ZNF226: variants seen among roughly 807,000 people sequenced by gnomAD.
The protein encoded by ZNF226 is Kruppel-associated box protein.
Under a neutral mutation model 11.4 loss-of-function variants are expected in ZNF226, and 6 were observed. That is an observed-to-expected ratio of 0.53 (90% CI 0.29 to 1.04). The LOEUF (loss-of-function observed/expected upper bound fraction) is 1.04. ZNF226 is among the 50% of genes least tolerant of loss of function. ZNF226 has a pLI of 0.08. For synonymous variants in ZNF226, 350 were observed against 322.8 expected, an observed-to-expected ratio of 1.08 and a Z score of -0.90; for missense variants, 1,058 against 956.5, an observed-to-expected ratio of 1.11 and a Z score of -1.40.
At chr19:44,183,490 A>G in the ZNF226 span, among the ~76,000 whole-genome samples, 3 of 152,236 alleles carry the variant, frequency 2.0e-5, no homozygotes, top group African/African-American at 7.2e-5. Flanking sequence ...GATAACCTGA[A>G]AGCAAAACCA....
chr19:44,172,822 T>C, intron 4 of ZNF226, 38 bp from the exon 5 acceptor site: 1 of 1,523,866 alleles, frequency 6.6e-7, no homozygotes, highest in South Asian at 1.2e-5. Flanking sequence ...TTAACTCTAA[T>C]ATGTTCATTT....
the ZNF226 span, among the ~76,000 whole-genome samples, chr19:44,195,643 G>T: frequency 9.2e-5 from 14 of 152,190 alleles, no homozygotes; most frequent in Admixed American, 5.2e-4. Flanking sequence ...CCAGTTGCTG[G>T]GCAGCTGTCT....
chr19:44,170,560 C>T (rs1006311866), intron 3 of ZNF226, among the ~76,000 whole-genome samples: 2 of 152,072 alleles, frequency 1.3e-5, no homozygotes, highest in African/African-American at 2.4e-5. Flanking sequence ...CATGGAAACC[C>T]CATCTCTACT....
downstream of ZNF226, among the ~76,000 whole-genome samples, chr19:44,181,862 A>G (rs896446901): frequency 2.6e-5 from 4 of 152,190 alleles, no homozygotes; most frequent in Admixed American, 1.3e-4. Flanking sequence ...TTCTAGACCA[A>G]TAATGAAACT....
At chr19:44,182,646 T>C (rs1021710674), downstream of ZNF226, among the ~76,000 whole-genome samples, 1 of 152,068 alleles carries the variant, frequency 6.6e-6, no homozygotes, top group African/African-American at 2.4e-5. Context: ...GTAACTCTTC[T>C]CGGCAGACCA....
rs1264665124 is a variant in ZNF226, at chr19:44,176,319, C to T, written c.1057C>T (p.His353Tyr). The T allele has an allele frequency of 6.2e-7, 1 of 1,614,082 alleles. No individual in the cohort carries two copies. The highest frequency in any genetic ancestry group is 1.7e-5 in the Admixed American group (1 of 60,008). Residue 353 changes from histidine (H) to tyrosine (Y), a missense_variant, in exon 6 of 6, where the codon CAT (histidine) becomes TAT (tyrosine). Physicochemically the swap from His to Tyr is moderately conservative, Grantham distance 83. Coordinates refer to ENST00000337433, the MANE Select transcript of ZNF226 (RefSeq NM_001032373.2). Reference sequence around the variant, plus strand: ...CAGTCGTAGATCAGCACTTAATGTTCATTGCAAGGTCCACACGGCAGAGAA... The same window carrying T: ...CAGTCGTAGATCAGCACTTAATGTTTATTGCAAGGTCCACACGGCAGAGAA... Reference protein sequence around the residue: ...GFSRRSALNVHCKVHTAEKPY... With the variant: ...GFSRRSALNVYCKVHTAEKPY...
chr19:44,190,782 C>G, the ZNF226 span, among the ~76,000 whole-genome samples: 1 of 152,074 alleles, frequency 6.6e-6, no homozygotes, highest in Non-Finnish European at 1.5e-5. Flanking sequence ...TATCATGTTA[C>G]AAGGAGGTAC....
chr19:44,165,680 C>T lies in ZNF226; in HGVS notation c.-97-77C>T, dbSNP rs147671901. On this transcript the variant is annotated intron_variant, in intron 1 of 5. Coordinates refer to ENST00000337433, the MANE Select transcript of ZNF226 (RefSeq NM_001032373.2). ...AAGGAGAGGGTTGCTTCTAACTGGT[C>T]CTGGGAGATGCCACTGTGATGTATC... 19 of 152,258 alleles carry T rather than the reference C, an allele frequency of 1.2e-4. 1 individual carries two copies. Among genetic ancestry groups the T allele is most frequent in the Admixed American group, 4.6e-4 (7 of 15,286 alleles). The allele number at this position is 152,258 out of a possible 1,614,324, so 9.4% of individuals were successfully genotyped here. A position where few individuals can be genotyped will look rare whatever the true frequency, so the allele number is the denominator to read the frequency against.
rs757894676 is a variant in ZNF226 at position 44,172,186 on chromosome 19, G to A, written c.114G>A (p.Val38=). 6.2e-7 allele frequency: 1 copy of A among 1,612,370 alleles called. No individual in the cohort carries two copies. The highest frequency in any genetic ancestry group is 8.5e-7 in the Non-Finnish European group (1 of 1,179,000). The part of the protein sequence containing the change: ...AQRKLYRDVM[V]ENFRNLLSVG... ...GGAAGCTGTACCGAGATGTGATGGT[G>A]GAGAACTTTAGGAACCTGCTGTCAG... The change falls in exon 4 of 6, where the codon GTG becomes GTA. Residue 38 remains valine, a synonymous_variant. Coordinates refer to ENST00000337433, the MANE Select transcript of ZNF226 (RefSeq NM_001032373.2).
chr19:44,194,130 T>G, the ZNF226 span, among the ~76,000 whole-genome samples: 1 of 152,262 alleles, frequency 6.6e-6, no homozygotes, highest in Non-Finnish European at 1.5e-5. Flanking sequence ...TGTAGAAATT[T>G]TCTTGAGACT....
intron 3 of ZNF226, among the ~76,000 whole-genome samples, chr19:44,171,029 C>A (rs986390451): frequency 2.6e-5 from 4 of 151,670 alleles, no homozygotes; most frequent in African/African-American, 9.7e-5. Context: ...ACATTTCTTA[C>A]ATTTATAACA....
chr19:44,175,661 G>A lies in ZNF226; in HGVS notation c.399G>A (p.Gln133=). ...QCHKQGDFPY[Q]VGTELSIQIS... ...ACAAACAAGGTGATTTCCCTTACCA[G>A]GTAGGGACAGAACTGTCTATTCAAA... Residue 133 remains glutamine (Q), a synonymous_variant, in exon 6 of 6, where the codon CAG becomes CAA. Transcript: ENST00000337433. The A allele has an allele frequency of 6.2e-7, 1 of 1,613,832 alleles. No individual in the cohort carries two copies. The highest frequency in any genetic ancestry group is 8.5e-7 in the Non-Finnish European group (1 of 1,179,816).
chr19:44,183,232 C>A (rs913907831), downstream of ZNF226, among the ~76,000 whole-genome samples: 1 of 152,070 alleles, frequency 6.6e-6, no homozygotes, highest in Non-Finnish European at 1.5e-5. Flanking sequence ...CTGTAGCCCA[C>A]CAGGTAGCAG....
At chr19:44,168,501 A>G (rs1001872548) in intron 2 of ZNF226, among the ~76,000 whole-genome samples, 1 of 152,186 alleles carries the variant, frequency 6.6e-6, no homozygotes, top group South Asian at 2.1e-4. Context: ...TTTTGGTTTC[A>G]TTAGTCACCT....
the ZNF226 span, among the ~76,000 whole-genome samples, chr19:44,196,937 T>C: frequency 6.6e-6 from 1 of 152,186 alleles, no homozygotes; most frequent in Non-Finnish European, 1.5e-5. Context: ...CTGACTGATA[T>C]TGAACCATTT....
intron 2 of ZNF226, among the ~76,000 whole-genome samples, chr19:44,167,467 C>G (rs1181802827): frequency 6.6e-6 from 1 of 151,534 alleles, no homozygotes; most frequent in Non-Finnish European, 1.5e-5. Context: ...TACAGGCACC[C>G]GCCACCACAC....
chr19:44,177,243 C>T lies in ZNF226; in HGVS notation c.1981C>T (p.His661Tyr), dbSNP rs1249498734. The T allele has an allele frequency of 9.3e-6, 15 of 1,613,968 alleles. No homozygotes were observed. The highest frequency in any genetic ancestry group is 1.3e-5 in the Non-Finnish European group (15 of 1,179,982). The stretch of plus-strand genomic sequence containing the variant: ...CGGTCGGAGTGCACATCTTCAAGCC[C>T]ATCAAAAAGTCCACACTGGAGATAA... ...SFGRSAHLQA[H>Y]QKVHTGDKPY... Residue 661 changes from histidine (H) to tyrosine (Y), a missense_variant, in exon 6 of 6, where the codon CAT (histidine) becomes TAT (tyrosine). His to Tyr is a moderately conservative substitution (Grantham distance 83, BLOSUM62 2). Transcript: ENST00000337433.
intron 5 of ZNF226, chr19:44,174,781 CT>C (rs1412959675): frequency 5.0e-6 from 2 of 396,918 alleles, no homozygotes. Context: ...AGACAGCATT[CT>C]TTGCTAGCCT....
the ZNF226 span, among the ~76,000 whole-genome samples, chr19:44,185,068 T>C: frequency 6.6e-6 from 1 of 152,230 alleles, no homozygotes; most frequent in South Asian, 2.1e-4. Context: ...GTTCTCGAGG[T>C]TGATTAATGT....
Sources: gnomAD v4.1 joint callset for allele counts (sites outside exome capture counted in the v4.1 genomes callset) on GRCh38, gnomAD v4.1.1 for gene constraint, MANE v1.5 for transcripts, NCBI Gene and HGNC (gene_info 2026-07-23, HGNC 2026-07-21) for gene names.